PDE1A: variants seen among roughly 807,000 people sequenced by gnomAD.
PDE1A encodes the protein phosphodiesterase 1A, also known as dual specificity calcium/calmodulin-dependent 3',5'-cyclic nucleotide phosphodiesterase 1A.
Under a neutral mutation model 61.7 loss-of-function variants are expected in PDE1A, and 35 were observed. That is an observed-to-expected ratio of 0.57 (90% confidence interval 0.43 to 0.75). The LOEUF is 0.75. PDE1A is among the 30% of genes least tolerant of loss of function. The pLI, the probability that PDE1A is intolerant of heterozygous loss-of-function variation, is 0.00. For missense variants in PDE1A, 597 were observed against 630.6 expected (o/e 0.95, Z 0.57); for synonymous variants, 232 against 213.2 (o/e 1.09, Z -0.77).
chr2:182,628,425 T>C, the PDE1A span, among the ~76,000 whole-genome samples: 1 of 152,216 alleles, frequency 6.6e-6, no homozygotes, highest in Non-Finnish European at 1.5e-5. Flanking sequence ...ACTAGAGTTC[T>C]TTTCCTTTAA....
rs144913421 is a variant in PDE1A, at chr2:182,183,355, G to C, written c.1516+2537C>G. ...TTCTTAAAAAATTGTTGGACATTCAGGTAAAAACAGCAGGAACCTGTGACC... is the reference window on the plus strand; with the variant it reads ...TTCTTAAAAAATTGTTGGACATTCACGTAAAAACAGCAGGAACCTGTGACC... On this transcript the variant is annotated intron_variant, in intron 13 of 13. Coordinates refer to ENST00000351439, the Ensembl canonical transcript of PDE1A. Among the ~76,000 whole-genome samples the C allele has an allele frequency of 2.7e-3, 418 of 152,222 alleles. 5 individuals carry two copies. Among genetic ancestry groups the C allele is most frequent in the African/African-American group, 9.3e-3 (387 of 41,528 alleles).
intron 2 of PDE1A, among the ~76,000 whole-genome samples, chr2:182,465,143 C>T (rs891451070): frequency 7.2e-5 from 11 of 151,962 alleles, no homozygotes; most frequent in Admixed American, 7.2e-4. Context: ...AGGAACAGTG[C>T]CTTTATTTCA....
chr2:182,612,826 T>C, the PDE1A span, among the ~76,000 whole-genome samples: 1 of 152,356 alleles, frequency 6.6e-6, no homozygotes, highest in South Asian at 2.1e-4. Flanking sequence ...GATTATTTTA[T>C]AAACTTTTCC....
At chr2:182,378,124 G>A (rs1700520712) in intron 1 of PDE1A, among the ~76,000 whole-genome samples, 1 of 152,206 alleles carries the variant, frequency 6.6e-6, no homozygotes, top group African/African-American at 2.4e-5. Flanking sequence ...GGGATTACAG[G>A]CGTGAGCCAC....
chr2:182,350,893 C>A lies in PDE1A; in HGVS notation c.53+75685G>T, dbSNP rs1387993134. On this transcript the variant is annotated intron_variant, in intron 1 of 13. Transcript: ENST00000351439. ...CTCACCCACCTATCATTACTCCCTG[C>A]CCTATAATATTCTGCTCCCTGATTT... Among the ~76,000 whole-genome samples the A allele has an allele frequency of 3.3e-5, 5 of 152,292 alleles. No individual in the cohort carries two copies. In the South Asian group the frequency reaches 6.2e-4, roughly 19 times the overall value.
chr2:182,614,872 T>C, the PDE1A span, among the ~76,000 whole-genome samples: 1 of 152,186 alleles, frequency 6.6e-6, no homozygotes, highest in African/African-American at 2.4e-5. Context: ...ATTGTTATTA[T>C]ACCTGAGGAG....
At chr2:182,233,987 T>C (rs1365061192) in intron 4 of PDE1A, among the ~76,000 whole-genome samples, 2 of 152,320 alleles carry the variant, frequency 1.3e-5, no homozygotes, top group African/African-American at 4.8e-5. Context: ...CATTTTGTAT[T>C]TTTTCAGACC....
At chr2:182,532,199 C>A in the PDE1A span, among the ~76,000 whole-genome samples, 1 of 151,996 alleles carries the variant, frequency 6.6e-6, no homozygotes, top group African/African-American at 2.4e-5. Context: ...CTATAATCAA[C>A]AATAATGTAT....
intron 1 of PDE1A, among the ~76,000 whole-genome samples, chr2:182,338,775 G>A (rs1008566368): frequency 7.9e-5 from 12 of 152,144 alleles, no homozygotes; most frequent in Admixed American, 5.9e-4. Context: ...ACCCGCCTCG[G>A]CCTGCCAAAG....
At chr2:182,559,995 G>A in the PDE1A span, among the ~76,000 whole-genome samples, 34 of 151,938 alleles carry the variant, frequency 2.2e-4, no homozygotes, top group Non-Finnish European at 3.8e-4. Context: ...AAGGTAGTTT[G>A]TGGGGGAAGA....
the PDE1A span, among the ~76,000 whole-genome samples, chr2:182,714,394 T>C: frequency 6.6e-6 from 1 of 152,188 alleles, no homozygotes; most frequent in African/African-American, 2.4e-5. Context: ...TTATGCAGGG[T>C]ATATTCACTA....
At chr2:182,153,319 G>T (rs749439531) in intron 13 of PDE1A, among the ~76,000 whole-genome samples, 154 of 152,282 alleles carry the variant, frequency 1.0e-3, no homozygotes, top group Non-Finnish European at 1.9e-3. Flanking sequence ...ACACAGGTAG[G>T]AGTATGCTGT....
chr2:182,535,311 C>T, the PDE1A span, among the ~76,000 whole-genome samples: 2 of 148,836 alleles, frequency 1.3e-5, no homozygotes, highest in Admixed American at 6.9e-5. Flanking sequence ...AGGAGATTAA[C>T]CTCCTGTCTA....
intron 13 of PDE1A, among the ~76,000 whole-genome samples, chr2:182,155,939 T>A (rs1691057702): frequency 1.3e-5 from 2 of 152,144 alleles, no homozygotes; most frequent in South Asian, 2.1e-4. Flanking sequence ...CAGGTGAAGA[T>A]AATTGAATCA....
the PDE1A span, among the ~76,000 whole-genome samples, chr2:182,536,744 T>C: frequency 2.0e-5 from 3 of 152,204 alleles, no homozygotes; most frequent in Non-Finnish European, 4.4e-5. Context: ...ACTAAGAGAA[T>C]GCAGCAGAAG....
intron 2 of PDE1A, among the ~76,000 whole-genome samples, chr2:182,519,015 G>A (rs1387273500): frequency 4.0e-5 from 6 of 151,892 alleles, no homozygotes; most frequent in African/African-American, 1.5e-4. Context: ...GACACAAAAA[G>A]GCATTTATCT....
At chr2:182,528,985 C>T in the PDE1A span, among the ~76,000 whole-genome samples, 1 of 152,226 alleles carries the variant, frequency 6.6e-6, no homozygotes, top group Non-Finnish European at 1.5e-5. Flanking sequence ...CATGGAGAAC[C>T]TCTGCTTGGG....
At chr2:182,348,514 G>A (rs1698660517) in intron 1 of PDE1A, among the ~76,000 whole-genome samples, 1 of 151,946 alleles carries the variant, frequency 6.6e-6, no homozygotes, top group Non-Finnish European at 1.5e-5. Context: ...TTCTCTCATG[G>A]TTCAGGGAAT....
intron 13 of PDE1A, among the ~76,000 whole-genome samples, chr2:182,177,082 T>G (rs1328535250): frequency 1.9e-4 from 29 of 151,032 alleles, no homozygotes; most frequent in South Asian, 1.5e-3. Context: ...GCTGGATTCG[T>G]TTTGCCAGTA....
Sources: allele counts gnomAD v4.1 joint callset (sites outside exome capture counted in the v4.1 genomes callset), GRCh38; gene constraint gnomAD v4.1.1; transcripts MANE v1.5; gene names NCBI Gene and HGNC (gene_info 2026-07-23, HGNC 2026-07-21).